The following IGSF5 variants were observed in gnomAD, a reference collection of about 807,000 sequenced individuals.
IGSF5 encodes the protein immunoglobulin superfamily member 5, also known as immunoglobulin superfamily 5 like.
A neutral mutation model predicts 39.4 loss-of-function variants in IGSF5; 41 were observed. The ratio of observed to expected loss-of-function variants is 1.04; its 90% confidence interval spans 0.81 to 1.35. The LOEUF is 1.35. Among genes scored for constraint, IGSF5 ranks in the 40% most tolerant of loss-of-function variants. The pLI is 0.00. For missense variants in IGSF5, 487 were observed against 494.6 expected (o/e 0.98, Z 0.15); for synonymous variants, 183 against 175.3 (o/e 1.04, Z -0.34).
intron 2 of IGSF5, among the ~76,000 whole-genome samples, chr21:39,754,357 A>G (rs539048620): frequency 4.6e-5 from 7 of 152,318 alleles, no homozygotes; most frequent in Admixed American, 6.5e-5. Context: ...AGGAATCTGT[A>G]TGGCTATTTC....
intron 4 of IGSF5, among the ~76,000 whole-genome samples, chr21:39,775,737 T>A (rs546088661): frequency 1.7e-3 from 264 of 152,248 alleles, no homozygotes; most frequent in African/African-American, 6.0e-3. Flanking sequence ...GTTACTCAGG[T>A]ATAGTATACT....
chr21:39,763,093 C>T (rs2080069130), intron 2 of IGSF5, among the ~76,000 whole-genome samples: 1 of 152,138 alleles, frequency 6.6e-6, no homozygotes, highest in Non-Finnish European at 1.5e-5. Context: ...TGATAAGACA[C>T]AGCTGAGAGA....
At chr21:39,736,581 CAA>C in the IGSF5 span, among the ~76,000 whole-genome samples, 1 of 152,138 alleles carries the variant, frequency 6.6e-6, no homozygotes, top group African/African-American at 2.4e-5. Context: ...GCTGCATTTC[CAA>C]AGAGTGGTAA....
chr21:39,747,011 G>C (rs1357639445), intron 2 of IGSF5, among the ~76,000 whole-genome samples: 1 of 152,190 alleles, frequency 6.6e-6, no homozygotes, highest in Non-Finnish European at 1.5e-5. Flanking sequence ...GCTTTCTCCT[G>C]CCTAGGCTAA....
At chr21:39,723,543 G>A in the IGSF5 span, among the ~76,000 whole-genome samples, 1 of 152,184 alleles carries the variant, frequency 6.6e-6, no homozygotes, top group Admixed American at 6.5e-5. Flanking sequence ...GGATTACTGA[G>A]ACCATCTGAG....
upstream of IGSF5, among the ~76,000 whole-genome samples, chr21:39,743,887 ATTTC>A (rs1241538982): frequency 5.9e-5 from 9 of 152,112 alleles, no homozygotes; most frequent in African/African-American, 2.2e-4. Flanking sequence ...AATATAAGTC[ATTTC>A]TTTCTTAGCG....
chr21:39,752,564 CT>C (rs1346155610), intron 2 of IGSF5, among the ~76,000 whole-genome samples: 1 of 152,158 alleles, frequency 6.6e-6, no homozygotes, highest in African/African-American at 2.4e-5. Flanking sequence ...GGTAGTTTTA[CT>C]TTTAGTTCTT....
At chr21:39,720,604 T>TA in the IGSF5 span, among the ~76,000 whole-genome samples, 1 of 152,188 alleles carries the variant, frequency 6.6e-6, no homozygotes, top group Non-Finnish European at 1.5e-5. Flanking sequence ...CCAGAGAAGT[T>TA]ACAGCCAAGT....
At chr21:39,741,143 C>A (rs1024025723), upstream of IGSF5, among the ~76,000 whole-genome samples, 1 of 152,058 alleles carries the variant, frequency 6.6e-6, no homozygotes, top group African/African-American at 2.4e-5. Flanking sequence ...AAAAGTCTTG[C>A]CCCGTTAGCA....
the IGSF5 span, among the ~76,000 whole-genome samples, chr21:39,719,499 C>A: frequency 6.6e-6 from 1 of 152,152 alleles, no homozygotes; most frequent in African/African-American, 2.4e-5. Flanking sequence ...TGGATCAGGT[C>A]AGGCATATGA....
the IGSF5 span, among the ~76,000 whole-genome samples, chr21:39,731,842 A>C: frequency 7.9e-5 from 12 of 152,200 alleles, no homozygotes; most frequent in African/African-American, 2.9e-4. Flanking sequence ...AGAGATAATA[A>C]ATAGGTATAG....
chr21:39,721,788 C>T, the IGSF5 span, among the ~76,000 whole-genome samples: 1 of 151,630 alleles, frequency 6.6e-6, no homozygotes, highest in Non-Finnish European at 1.5e-5. Context: ...CCTTCCATTC[C>T]ACCCATCCAC....
upstream of IGSF5, among the ~76,000 whole-genome samples, chr21:39,743,264 C>T (rs2079955676): frequency 6.6e-6 from 1 of 152,148 alleles, no homozygotes. Flanking sequence ...GACTGAGATA[C>T]CAGAGATCGC....
chr21:39,722,969 C>A, the IGSF5 span, among the ~76,000 whole-genome samples: 1 of 152,186 alleles, frequency 6.6e-6, no homozygotes, highest in Non-Finnish European at 1.5e-5. Flanking sequence ...GTATTATTAA[C>A]CTTGTTTTTC....
At position 39,745,351 on chromosome 21, in the gene IGSF5, A is replaced by G; in HGVS notation, c.-159A>G. ...GCCTAGGTGCCTGAGGACGCAGCGT[A>G]GGGCTTCCTTAGATCCCTTTGGAGA... is the stretch of plus-strand genomic sequence containing the variant. On this transcript the variant is annotated 5_prime_UTR_variant, in exon 1 of 9. Coordinates refer to ENST00000380588, the MANE Select transcript of IGSF5 (RefSeq NM_001080444.2). The G allele has an allele frequency of 1.8e-6, 1 of 561,248 alleles. No individual in the cohort carries two copies. The highest frequency in any genetic ancestry group is 3.2e-6 in the Non-Finnish European group (1 of 311,882). The allele number at this position is 561,248 out of a possible 1,614,324, so 34.8% of individuals were successfully genotyped here.
chr21:39,773,621 G>A (rs746886777), intron 4 of IGSF5, among the ~76,000 whole-genome samples: 19 of 152,050 alleles, frequency 1.2e-4, no homozygotes, highest in East Asian at 5.8e-4. Context: ...GTGTCCTTCC[G>A]ACATCCCCCT....
At chr21:39,756,913 T>A (rs564168011) in intron 2 of IGSF5, among the ~76,000 whole-genome samples, 1 of 152,180 alleles carries the variant, frequency 6.6e-6, no homozygotes, top group African/African-American at 2.4e-5. Flanking sequence ...AATCCTTATG[T>A]GCTGTCAATG....
chr21:39,793,853 A>T (rs1359953561), intron 8 of IGSF5, among the ~76,000 whole-genome samples: 1 of 152,114 alleles, frequency 6.6e-6, no homozygotes, highest in Non-Finnish European at 1.5e-5. Context: ...CTCTGGGTTC[A>T]CATTTTGGGA....
the IGSF5 span, among the ~76,000 whole-genome samples, chr21:39,735,100 G>T: frequency 6.6e-6 from 1 of 152,084 alleles, no homozygotes; most frequent in African/African-American, 2.4e-5. Flanking sequence ...CTGGCCTCAA[G>T]CAGTGATCCA....
Sources: gnomAD v4.1 joint callset for allele counts (sites outside exome capture counted in the v4.1 genomes callset) on GRCh38, gnomAD v4.1.1 for gene constraint, MANE v1.5 for transcripts, NCBI Gene and HGNC (gene_info 2026-07-23, HGNC 2026-07-21) for gene names.